Variants in UCP3 observed in about 807,000 individuals in gnomAD.
The protein encoded by UCP3 is putative mitochondrial transporter UCP3.
Under a neutral mutation model 28.1 loss-of-function variants are expected in UCP3, and 24 were observed. The ratio of observed to expected loss-of-function variants is 0.85; its 90% CI spans 0.62 to 1.20. UCP3 has a LOEUF of 1.20. Among genes scored for constraint, UCP3 ranks in the 50% most tolerant of loss-of-function variants. The pLI, the probability that UCP3 is intolerant of heterozygous loss-of-function variation, is 0.00. For synonymous variants in UCP3, 184 were observed against 171.2 expected, an observed-to-expected ratio of 1.07 and a Z score of -0.59; for missense variants, 397 against 422.2, an observed-to-expected ratio of 0.94 and a Z score of 0.52.
Position 74,007,078 on chromosome 11 carries a change from G to A in UCP3, c.-36C>T, listed in dbSNP as rs552472433. 2.5e-5 allele frequency: 40 copies of A among 1,611,448 alleles called. No homozygotes were observed. The highest frequency in any genetic ancestry group is 1.8e-4 in the East Asian group (8 of 44,836). ...GGCTCTGCCCAGTCCCTTTAGGGCC[G>A]AGAGGAGGTCCAAGGAGAGAGGCTG... On this transcript the variant is annotated 5_prime_UTR_variant, in exon 2 of 7. Transcript: ENST00000314032.
chr11:74,006,984 GC>G lies in UCP3; in HGVS notation c.58del (p.Ala20GlnfsTer47), dbSNP rs756995001. 1.7e-5 allele frequency: 27 copies of G among 1,614,214 alleles called. No homozygotes were observed. Among genetic ancestry groups the G allele is most frequent in the Non-Finnish European group, 1.4e-5 (17 of 1,180,044 alleles). On this transcript the variant is annotated frameshift_variant, in exon 2 of 7. Transcript: ENST00000314032. LOFTEE classifies it high-confidence loss of function. Reference sequence around the variant, plus strand: ...GTCAGCAAAACAGGCTGCTGTGCCTGCCCCCAGGAACTTCACAGCCATGGTG... The same window carrying G: ...GTCAGCAAAACAGGCTGCTGTGCCTGCCCCAGGAACTTCACAGCCATGGTG... ...PPTMAVKFLG[A>X]GTAACFADLV... is the part of the protein sequence containing the mutation.
chr11:74,003,604 T>C (rs1951636222), intron 6 of UCP3: 1 of 1,305,456 alleles, frequency 7.7e-7, no homozygotes, highest in Non-Finnish European at 9.7e-7. Context: ...TACTTTTACC[T>C]ATTCCTGGAG....
At chr11:74,006,804 A>G in intron 2 of UCP3, 113 bp downstream of exon 2, 1 of 1,536,826 alleles carries the variant, frequency 6.5e-7, no homozygotes, top group South Asian at 1.1e-5. Flanking sequence ...GTGGAGTGAG[A>G]GTCTTTGTCA....
chr11:74,005,424 A>G (rs3781907), intron 4 of UCP3, among the ~76,000 whole-genome samples: 44,836 of 151,928 alleles, frequency 0.3, 6,750 homozygotes, highest in East Asian at 0.41. Context: ...GGCAACCCCT[A>G]CCACATCCTG....
chr11:74,008,828 G>A (rs1261330681), intron 1 of UCP3, 150 bp downstream of exon 1: 2 of 152,186 alleles, frequency 1.3e-5, no homozygotes, highest in African/African-American at 2.4e-5. Flanking sequence ...ATAAGGTGGC[G>A]GCTGGACTGA....
intron 6 of UCP3, chr11:74,002,654 C>T (rs1951630255): frequency 1.4e-6 from 1 of 704,506 alleles, no homozygotes; most frequent in Non-Finnish European, 1.7e-6. Context: ...AACCCAGGGC[C>T]TGGCACCTAC....
In UCP3 at chr11:74,006,916, C is replaced by G. The variant is rs762770256; in HGVS notation, c.126+1G>C. On this transcript the variant is annotated splice_donor_variant, in intron 2 of 6. Coordinates refer to ENST00000314032, the MANE Select transcript of UCP3 (RefSeq NM_003356.4). LOFTEE classifies it high-confidence loss of function. ...ATGACCCTTGGCCAAAGGGCACCTA[C>G]CTGCAGGCGGACCTTGGCTGTGTCC... 4 of 1,614,190 alleles carry G rather than the reference C, an allele frequency of 2.5e-6. No individual in the cohort carries two copies. Among genetic ancestry groups the G allele is most frequent in the Middle Eastern group, 1.6e-4 (1 of 6,062 alleles).
rs199679366 is a variant in UCP3 at position 74,006,985 on chromosome 11, C to T, written c.58G>A (p.Ala20Thr). ...PPTMAVKFLG[A>T]GTAACFADLV... ...TCAGCAAAACAGGCTGCTGTGCCTG[C>T]CCCCAGGAACTTCACAGCCATGGTG... Residue 20 changes from alanine (A) to threonine (T), a missense_variant, in exon 2 of 7, where the codon GCA becomes ACA. By Grantham distance (58) the Ala-to-Thr change is moderately conservative. Transcript: ENST00000314032. The T allele has an allele frequency of 4.1e-5, 66 of 1,614,136 alleles. 1 individual carries two copies. In the Admixed American group the frequency reaches 7.3e-4, roughly 18 times the overall value.
At position 74,006,278 on chromosome 11, in the gene UCP3, G is replaced by A. The variant is rs770281351; in HGVS notation, c.228C>T (p.Ser76=). The change falls in exon 3 of 7, where the codon AGC becomes AGT. Residue 76 remains serine (S), a synonymous_variant. Coordinates refer to ENST00000314032, the MANE Select transcript of UCP3 (RefSeq NM_003356.4). ...GGCCGGCCACCAGCCCATTGTAGGG[G>A]CTGCAGGGACCCTCAGTCCGCACCA... ...LTMVRTEGPC[S]PYNGLVAGLQ... 1.2e-6 allele frequency: 2 copies of A among 1,613,318 alleles called. No homozygotes were observed. The highest frequency in any genetic ancestry group is 8.5e-7 in the Non-Finnish European group (1 of 1,179,956).
At chr11:74,004,099 C>T (rs1951641897) in intron 5 of UCP3, 92 bp from the exon 6 acceptor site, 3 of 1,552,870 alleles carry the variant, frequency 1.9e-6, no homozygotes, top group African/African-American at 1.4e-5. Flanking sequence ...CGTGAACTCC[C>T]TGAGCATAGG....
At chr11:74,002,866 C>T in intron 6 of UCP3, 1 of 985,460 alleles carries the variant, frequency 1.0e-6, no homozygotes, top group Non-Finnish European at 1.2e-6. Flanking sequence ...CACCAAAAAA[C>T]TCTCTGTTGA....
At chr11:74,002,155 A>C (rs1591233673) in intron 6 of UCP3, 7 of 151,328 alleles carry the variant, frequency 4.6e-5, no homozygotes, top group South Asian at 2.1e-4. Flanking sequence ...TCCACTAACC[A>C]CCTCCTGGGC....
chr11:74,002,597 G>C (rs1951629982), intron 6 of UCP3, among the ~76,000 whole-genome samples: 1 of 152,160 alleles, frequency 6.6e-6, no homozygotes, highest in African/African-American at 2.4e-5. Flanking sequence ...ATCAATACAT[G>C]CTCAGTAAAT....
chr11:74,005,885 ATGGCTCC>A lies in UCP3; in HGVS notation c.379_385del (p.Gly127TrpfsTer3). ...TGTGGGCTGGGCACAGGTCACCGCC[ATGGCTCC>A]TGTGGTGCAGCCGGCCAAAATCCGG... On this transcript the variant is annotated frameshift_variant, in exon 4 of 7. Coordinates refer to ENST00000314032, the MANE Select transcript of UCP3 (RefSeq NM_003356.4). LOFTEE classifies it high-confidence loss of function. 1 of 1,614,148 alleles carries A rather than the reference ATGGCTCC, an allele frequency of 6.2e-7. No homozygotes were observed. Among genetic ancestry groups the A allele is most frequent in the Non-Finnish European group, 8.5e-7 (1 of 1,180,022 alleles).
chr11:74,005,224 G>A (rs561687552), intron 4 of UCP3, among the ~76,000 whole-genome samples: 16 of 152,298 alleles, frequency 1.1e-4, no homozygotes, highest in African/African-American at 1.7e-4. Context: ...CCAAGGAAGC[G>A]CTTCCTCGTT....
rs376385271 is a variant in UCP3 at position 74,006,175 on chromosome 11, C to A, written c.331G>T (p.Ala111Ser). 6.2e-7 allele frequency: 1 copy of A among 1,614,012 alleles called. No homozygotes were observed. The highest frequency in any genetic ancestry group is 8.5e-7 in the Non-Finnish European group (1 of 1,180,038). ...CAGGGACCTGGTCACTCACTGTCCGCGCCTTTGGGGGTGTACACCTGCTTG... is the reference window on the plus strand; with the variant it reads ...CAGGGACCTGGTCACTCACTGTCCGAGCCTTTGGGGGTGTACACCTGCTTG... ...SVKQVYTPKG[A>S]DNSSLTTRIL... Residue 111 changes from alanine (A) to serine (S), a missense_variant, in exon 3 of 7, where the codon GCG becomes TCG. Ala to Ser is a moderately conservative substitution (Grantham distance 99). Coordinates refer to ENST00000314032, the MANE Select transcript of UCP3 (RefSeq NM_003356.4).
intron 3 of UCP3, 62 bp from the exon 4 acceptor site, chr11:74,005,995 T>C (rs1424993858): frequency 5.0e-6 from 8 of 1,594,288 alleles, no homozygotes. Context: ...GGACATGCTG[T>C]TCTCTGCGGG....
Position 74,006,265 on chromosome 11 carries a change from G to T in UCP3, c.241C>A (p.Leu81Met). The change falls in exon 3 of 7, where the codon CTG becomes ATG. Residue 81 changes from leucine to methionine, a missense_variant. Leu to Met is a conservative substitution (Grantham distance 15). Transcript: ENST00000314032. ...TEGPCSPYNG[L>M]VAGLQRQMSF... Reference sequence around the variant, plus strand: ...ATCTGGCGCTGCAGGCCGGCCACCAGCCCATTGTAGGGGCTGCAGGGACCC... The same window carrying T: ...ATCTGGCGCTGCAGGCCGGCCACCATCCCATTGTAGGGGCTGCAGGGACCC... The T allele has an allele frequency of 6.2e-7, 1 of 1,613,752 alleles. No individual in the cohort carries two copies. Among genetic ancestry groups the T allele is most frequent in the Non-Finnish European group, 8.5e-7 (1 of 1,180,008 alleles).
chr11:74,004,218 G>A (rs1951642608), intron 5 of UCP3, among the ~76,000 whole-genome samples: 2 of 152,208 alleles, frequency 1.3e-5, no homozygotes, highest in Non-Finnish European at 2.9e-5. Context: ...GCTGTTTGAG[G>A]AAACTGAAGT....
Sources: allele counts gnomAD v4.1 joint callset (sites outside exome capture counted in the v4.1 genomes callset), GRCh38; gene constraint gnomAD v4.1.1; transcripts MANE v1.5; gene names NCBI Gene and HGNC (gene_info 2026-07-23, HGNC 2026-07-21).